Variants in TENM3 observed in about 807,000 individuals in gnomAD.
The protein encoded by TENM3 is teneurin transmembrane protein 3, also known as teneurin-3.
Under a neutral mutation model 255.1 loss-of-function variants are expected in TENM3, and 63 were observed. The ratio of observed to expected loss-of-function variants is 0.25; its 90% CI spans 0.20 to 0.30. The LOEUF (loss-of-function observed/expected upper bound fraction) is 0.30, where lower values mean the gene tolerates loss of function less well. TENM3 is among the 10% of genes least tolerant of loss of function. The probability of loss-of-function intolerance (pLI) is 1.00; values close to 1 mark genes in which losing one functional copy is unlikely to be tolerated. For missense variants in TENM3, 2,929 were observed against 3,461.1 expected, an observed-to-expected ratio of 0.85 and a Z score of 3.86; for synonymous variants, 1,306 against 1,322.3, an observed-to-expected ratio of 0.99 and a Z score of 0.27.
At chr4:181,968,962 G>GTCTC in the TENM3 span, among the ~76,000 whole-genome samples, 546 of 144,522 alleles carry the variant, frequency 3.8e-3, 2 homozygotes, top group African/African-American at 0.011. Context: ...TACCTCTCTT[G>GTCTC]TCTCTCTCTC....
intron 1 of TENM3, among the ~76,000 whole-genome samples, chr4:182,160,604 G>A (rs1025636170): frequency 1.3e-5 from 2 of 152,176 alleles, no homozygotes; most frequent in African/African-American, 2.4e-5. Flanking sequence ...GACCAATACC[G>A]TAGGATCTCG....
intron 1 of TENM3, among the ~76,000 whole-genome samples, chr4:182,269,543 C>T (rs530977946): frequency 1.3e-5 from 2 of 151,998 alleles, no homozygotes; most frequent in East Asian, 3.9e-4. Flanking sequence ...TGTACAGGCC[C>T]CCTCCCCTTT....
At chr4:181,978,562 G>A in the TENM3 span, among the ~76,000 whole-genome samples, 110 of 151,712 alleles carry the variant, frequency 7.3e-4, no homozygotes, top group African/African-American at 2.5e-3. Context: ...CAGGAGAATC[G>A]GTTGAACCTG....
At chr4:182,016,119 C>G in the TENM3 span, among the ~76,000 whole-genome samples, 2 of 152,048 alleles carry the variant, frequency 1.3e-5, no homozygotes, top group African/African-American at 4.8e-5. Context: ...TGGGTTTTTT[C>G]CTGGTTGAGA....
chr4:182,774,003 C>G (rs1399854985), intron 23 of TENM3: 1 of 169,870 alleles, frequency 5.9e-6, no homozygotes, highest in East Asian at 1.6e-4. Context: ...AGACACAGCA[C>G]TTTTTGAGGC....
At chr4:182,660,257 T>C (rs1427232876) in intron 6 of TENM3, among the ~76,000 whole-genome samples, 1 of 152,218 alleles carries the variant, frequency 6.6e-6, no homozygotes, top group Admixed American at 6.5e-5. Flanking sequence ...GCTCACAAAG[T>C]ATCAGTTGAA....
At chr4:181,949,333 T>G in the TENM3 span, among the ~76,000 whole-genome samples, 1 of 152,358 alleles carries the variant, frequency 6.6e-6, no homozygotes. Flanking sequence ...TATAGACCTT[T>G]TATTCATGTT....
the TENM3 span, among the ~76,000 whole-genome samples, chr4:181,574,169 G>T: frequency 2.6e-5 from 4 of 152,206 alleles, no homozygotes; most frequent in African/African-American, 9.7e-5. Flanking sequence ...CCTTTCAGGA[G>T]TTCCTACCTA....
intron 3 of TENM3, among the ~76,000 whole-genome samples, chr4:182,575,969 G>T (rs1744870465): frequency 6.6e-6 from 1 of 152,094 alleles, no homozygotes; most frequent in South Asian, 2.1e-4. Flanking sequence ...GAAGAATTTA[G>T]GTTGTATTCA....
At chr4:181,566,550 G>C in the TENM3 span, among the ~76,000 whole-genome samples, 5 of 151,964 alleles carry the variant, frequency 3.3e-5, no homozygotes, top group African/African-American at 4.8e-5. Flanking sequence ...CTTCTCAGAG[G>C]GGCATCAAAG....
At chr4:181,796,599 G>T in the TENM3 span, among the ~76,000 whole-genome samples, 1 of 152,198 alleles carries the variant, frequency 6.6e-6, no homozygotes, top group African/African-American at 2.4e-5. Flanking sequence ...AGGAAGGGGA[G>T]GGGTGGGGCC....
intron 3 of TENM3, among the ~76,000 whole-genome samples, chr4:182,522,465 A>G (rs893972919): frequency 1.3e-5 from 2 of 152,128 alleles, no homozygotes; most frequent in African/African-American, 4.8e-5. Flanking sequence ...GGCTTATTTC[A>G]TTTCACACAA....
the TENM3 span, among the ~76,000 whole-genome samples, chr4:181,736,256 C>T: frequency 6.6e-6 from 1 of 152,174 alleles, no homozygotes; most frequent in African/African-American, 2.4e-5. Context: ...CGAGACGGCG[C>T]CATTGCACTC....
At chr4:182,764,650 A>G (rs934945103) in intron 22 of TENM3, among the ~76,000 whole-genome samples, 2 of 152,178 alleles carry the variant, frequency 1.3e-5, no homozygotes, top group African/African-American at 4.8e-5. Context: ...CAGGCTTTGG[A>G]AAGAACACAC....
intron 19 of TENM3, among the ~76,000 whole-genome samples, chr4:182,747,640 C>T (rs1221586992): frequency 6.6e-6 from 1 of 152,086 alleles, no homozygotes; most frequent in African/African-American, 2.4e-5. Context: ...CTAATACCAG[C>T]CAAAGGGCAC....
At chr4:181,677,137 G>A in the TENM3 span, among the ~76,000 whole-genome samples, 2 of 151,732 alleles carry the variant, frequency 1.3e-5, no homozygotes, top group Non-Finnish European at 2.9e-5. Context: ...TTCTCCCTAC[G>A]TGAACCCACC....
chr4:182,602,803 C>T (rs1363987780), intron 4 of TENM3, among the ~76,000 whole-genome samples: 6 of 152,056 alleles, frequency 3.9e-5, no homozygotes, highest in African/African-American at 1.2e-4. Context: ...TAATCAACAC[C>T]GATTCACTAT....
chr4:182,601,316 T>C lies in TENM3; in HGVS notation c.749+155T>C, dbSNP rs190672201. 0.031 allele frequency among the ~76,000 whole-genome samples: 4,781 copies of C among 152,244 alleles called. 130 individuals carry two copies. Among genetic ancestry groups the C allele is most frequent in the Non-Finnish European group, 0.049 (3,351 of 68,018 alleles). On this transcript the variant is annotated intron_variant, in intron 4 of 27. Transcript: ENST00000511685. ...GAAGCAGTTCCAGATTGTTGTGATT[T>C]TTTTAGTTGCTGGGTCAGTGAATGT...
chr4:182,615,648 C>G (rs961336725), intron 4 of TENM3, among the ~76,000 whole-genome samples: 1 of 149,394 alleles, frequency 6.7e-6, no homozygotes, highest in African/African-American at 2.5e-5. Flanking sequence ...ATGACATTAG[C>G]GTAAGGGAAC....
Sources: gnomAD v4.1 joint callset for allele counts (sites outside exome capture counted in the v4.1 genomes callset) on GRCh38, gnomAD v4.1.1 for gene constraint, MANE v1.5 for transcripts, NCBI Gene and HGNC (gene_info 2026-07-23, HGNC 2026-07-21) for gene names.